The following RICTOR variants were observed in gnomAD, a reference collection of about 807,000 sequenced individuals.
RICTOR encodes RPTOR independent companion of MTOR complex 2, also known as rapamycin-insensitive companion of mTOR.
RICTOR carries 49 observed loss-of-function variants against 214.9 expected under a neutral mutation model. The observed-to-expected ratio is 0.23, with a 90% CI of 0.18 to 0.29. The LOEUF (loss-of-function observed/expected upper bound fraction) is 0.29, where lower values mean the gene tolerates loss of function less well. RICTOR is among the 10% of genes least tolerant of loss of function. RICTOR has a pLI of 1.00. For synonymous variants in RICTOR, 717 were observed against 711.3 expected (o/e 1.01, Z -0.13); for missense variants, 1,625 against 2,047.0 (o/e 0.79, Z 3.98).
At position 39,074,148 on chromosome 5, in the gene RICTOR, G is replaced by A. The variant is rs2150229853; in HGVS notation, c.60C>T (p.Asp20=). 5 of 1,587,154 alleles carry A rather than the reference G, an allele frequency of 3.2e-6. No homozygotes were observed. Among genetic ancestry groups the A allele is most frequent in the African/African-American group, 1.4e-5 (1 of 71,944 alleles). ...LKNLRVRGRN[D]SGEENVPLDL... The stretch of plus-strand genomic sequence containing the variant: ...CCAGCGGGACGTTCTCCTCGCCGCT[G>A]TCATTCCGCCCTGCGCGAAACAGAC... Residue 20 remains aspartate (D), a synonymous_variant, in exon 2 of 38, where the codon GAC becomes GAT. Coordinates refer to ENST00000357387, the MANE Select transcript of RICTOR (RefSeq NM_152756.5).
Position 38,991,051 on chromosome 5 carries a change from A to G in RICTOR, c.481T>C (p.Phe161Leu), listed in dbSNP as rs1025083835. ...RKMITVNASLFPSSVTNSLIA... is the reference protein window; with the variant it reads ...RKMITVNASLLPSSVTNSLIA... ...AATGAGTTGGTCACAGAACTAGGAA[A>G]CAAGGAAGCATTCACAGTAATCATC... The change falls in exon 7 of 38, where the codon TTT becomes CTT. Residue 161 changes from phenylalanine (F) to leucine (L), a missense_variant. By Grantham distance (22) the Phe-to-Leu change is conservative. Transcript: ENST00000357387. 2 of 1,596,766 alleles carry G rather than the reference A, an allele frequency of 1.3e-6. No individual in the cohort carries two copies. The highest frequency in any genetic ancestry group is 1.7e-6 in the Non-Finnish European group (2 of 1,169,526).
In RICTOR at chr5:39,057,193, A is replaced by T. The variant is rs374938806; in HGVS notation, c.97+16918T>A. 3.3e-5 allele frequency among the ~76,000 whole-genome samples: 5 copies of T among 152,318 alleles called. No homozygotes were observed. The East Asian group carries it at 9.6e-4, about 29-fold the overall frequency. On this transcript the variant is annotated intron_variant, in intron 2 of 37. Transcript: ENST00000357387. ...AACCAAACAGCAATTTGAAGGACTA[A>T]TAATATATAGGATAAATTTAAAGGC...
chr5:39,016,216 A>G (rs746223389), intron 3 of RICTOR, among the ~76,000 whole-genome samples: 5 of 152,128 alleles, frequency 3.3e-5, no homozygotes, highest in African/African-American at 9.7e-5. Flanking sequence ...AGGATATGGT[A>G]AAACAAAAAA....
intron 3 of RICTOR, among the ~76,000 whole-genome samples, chr5:39,018,472 T>C (rs1374172027): frequency 1.3e-5 from 2 of 152,192 alleles, no homozygotes; most frequent in Non-Finnish European, 2.9e-5. Context: ...AGCAAGTTCA[T>C]TGGTGCCATT....
rs2150017408 is a variant in RICTOR, at chr5:38,959,868, G to A, written c.1962C>T (p.Thr654=). 6.2e-7 allele frequency: 1 copy of A among 1,611,996 alleles called. No homozygotes were observed. The highest frequency in any genetic ancestry group is 8.5e-7 in the Non-Finnish European group (1 of 1,178,306). ...RSLQNNGLLT[T]LSQHYFLFIG... The stretch of plus-strand genomic sequence containing the variant: ...TAAATAAAAAGTAGTGTTGACTAAG[G>A]GTGGTCAATAAACCATTATTTTGAA... The change falls in exon 21 of 38, where the codon ACC becomes ACT. Residue 654 remains threonine (T), a synonymous_variant. Transcript: ENST00000357387.
At chr5:39,044,993 G>C (rs916236743) in intron 2 of RICTOR, among the ~76,000 whole-genome samples, 2 of 152,054 alleles carry the variant, frequency 1.3e-5, no homozygotes, top group African/African-American at 4.8e-5. Flanking sequence ...AGATTTTCTG[G>C]CACAGATGTT....
chr5:39,047,293 C>A (rs1366545384), intron 2 of RICTOR, among the ~76,000 whole-genome samples: 1 of 152,168 alleles, frequency 6.6e-6, no homozygotes, highest in African/African-American at 2.4e-5. Flanking sequence ...CTCAGATCAT[C>A]AGGCATTAGA....
At chr5:38,996,711 A>G in intron 6 of RICTOR, 108 bp downstream of exon 6, 1 of 618,014 alleles carries the variant, frequency 1.6e-6, no homozygotes, top group African/African-American at 1.9e-5. Context: ...GTTTAATAAA[A>G]GTTTAGTCTT....
chr5:38,962,568 A>T lies in RICTOR; in HGVS notation c.1585T>A (p.Leu529Ile). The T allele has an allele frequency of 6.4e-7, 1 of 1,555,232 alleles. No homozygotes were observed. Among genetic ancestry groups the T allele is most frequent in the Non-Finnish European group, 8.8e-7 (1 of 1,140,122 alleles). ...ACTTGGCTATCTCTAAGGTTAATTA[A>T]AAGAGCTTCCTCTGTATCCTAAAAT... Reference protein sequence around the residue: ...FILKDTEEALLINLRDSQVLQ... With the variant: ...FILKDTEEALIINLRDSQVLQ... The change falls in exon 18 of 38, where the codon TTA becomes ATA. Residue 529 changes from leucine to isoleucine, a missense_variant. Physicochemically the swap from Leu to Ile is conservative, Grantham distance 5. This residue lies in a region of RICTOR where 1,214 missense variants were observed against 1,470.5 expected (regional missense o/e 0.83). Coordinates refer to ENST00000357387, the MANE Select transcript of RICTOR (RefSeq NM_152756.5).
At chr5:39,058,960 T>A (rs1291601235) in intron 2 of RICTOR, among the ~76,000 whole-genome samples, 1 of 152,156 alleles carries the variant, frequency 6.6e-6, no homozygotes, top group Non-Finnish European at 1.5e-5. Flanking sequence ...ACCTGTTCAA[T>A]GAAAAGTTCA....
chr5:39,020,005 T>C (rs1755274259), intron 3 of RICTOR, among the ~76,000 whole-genome samples: 2 of 152,136 alleles, frequency 1.3e-5, no homozygotes, highest in Admixed American at 1.3e-4. Flanking sequence ...AAGGTGTCAG[T>C]GGAGGGAGTC....
intron 7 of RICTOR, among the ~76,000 whole-genome samples, chr5:38,990,637 G>GAT (rs1441411417): frequency 1.0e-5 from 1 of 100,418 alleles, no homozygotes; most frequent in Non-Finnish European, 2.0e-5. Flanking sequence ...ATATATATCT[G>GAT]ACATATATCA....
Position 38,950,419 on chromosome 5 carries a change from A to G in RICTOR, c.3429T>C (p.His1143=). Residue 1143 remains histidine (H), a synonymous_variant, in exon 31 of 38, where the codon CAT becomes CAC. Coordinates refer to ENST00000357387, the MANE Select transcript of RICTOR (RefSeq NM_152756.5). The stretch of plus-strand genomic sequence containing the variant: ...TGGATATGGGTGTAAAATCATCACT[A>G]TGATTAAAATCAACACTGGGCTCCG... ...TLTEPSVDFN[H]SDDFTPISTV... The G allele has an allele frequency of 1.2e-6, 2 of 1,613,542 alleles. No homozygotes were observed. Among genetic ancestry groups the G allele is most frequent in the South Asian group, 1.1e-5 (1 of 91,072 alleles).
rs188199168 is a variant in RICTOR at position 38,999,125 on chromosome 5, G to A, written c.393-2243C>T. Among the ~76,000 whole-genome samples, 51 of 149,844 alleles carry A rather than the reference G, an allele frequency of 3.4e-4. 1 individual carries two copies. Among genetic ancestry groups the A allele is most frequent in the African/African-American group, 7.8e-4 (32 of 40,770 alleles). ...AGAGTCATTTACTAGCAGGATGAAA[G>A]GTTTTTAATAAACAGGTAAGTAGAA... On this transcript the variant is annotated intron_variant, in intron 5 of 37. Coordinates refer to ENST00000357387, the MANE Select transcript of RICTOR (RefSeq NM_152756.5).
chr5:39,004,389 C>G (rs894624015), intron 3 of RICTOR, among the ~76,000 whole-genome samples: 2 of 152,046 alleles, frequency 1.3e-5, no homozygotes, highest in Admixed American at 6.6e-5. Context: ...ATGGCCTCCA[C>G]TATTTCAGTT....
In RICTOR at chr5:38,971,894, G is replaced by T. The variant is rs2150042312; in HGVS notation, c.955C>A (p.Pro319Thr). 7.1e-7 allele frequency: 1 copy of T among 1,412,516 alleles called. No homozygotes were observed. Among genetic ancestry groups the T allele is most frequent in the Non-Finnish European group, 1.0e-6 (1 of 999,902 alleles). The allele number at this position is 1,412,516 out of a possible 1,614,324, so 87.5% of individuals were successfully genotyped here. A position where few individuals can be genotyped will look rare whatever the true frequency, so the allele number is the denominator to read the frequency against. ...IQSLIGVLCI[P>T]NMEIRRGLLE... is the part of the protein sequence containing the mutation. ...TTACCTACCCTTATTTCCATATTTG[G>T]TATGCAAAGTACTCCTATTAGAGAC... The change falls in exon 11 of 38, where the codon CCA (proline) becomes ACA (threonine). Residue 319 changes from proline to threonine, a missense_variant. Coordinates refer to ENST00000357387, the MANE Select transcript of RICTOR (RefSeq NM_152756.5).
At chr5:38,961,476 A>C (rs1406629281) in intron 19 of RICTOR, among the ~76,000 whole-genome samples, 1 of 152,174 alleles carries the variant, frequency 6.6e-6, no homozygotes, top group Non-Finnish European at 1.5e-5. Flanking sequence ...TGATCTTTCA[A>C]CATTATATCT....
chr5:38,975,157 T>C (rs1298827176), intron 10 of RICTOR, among the ~76,000 whole-genome samples: 1 of 152,204 alleles, frequency 6.6e-6, no homozygotes, highest in African/African-American at 2.4e-5. Flanking sequence ...CTATCTTGCT[T>C]ATTTTGTATC....
rs1749705455 is a variant in RICTOR at position 38,960,506 on chromosome 5, G to A, written c.1743C>T (p.Tyr581=). 6 of 1,613,684 alleles carry A rather than the reference G, an allele frequency of 3.7e-6. No homozygotes were observed. Among genetic ancestry groups the A allele is most frequent in the Non-Finnish European group, 5.1e-6 (6 of 1,179,660 alleles). Residue 581 remains tyrosine (Y), a synonymous_variant, in exon 20 of 38, where the codon TAC becomes TAT. Coordinates refer to ENST00000357387, the MANE Select transcript of RICTOR (RefSeq NM_152756.5). ...TGGCATATAATTTACTGCTGGGCTT[G>A]TAAAAATAAAGTAGTCTTCGTACAA... The part of the protein sequence containing the change: ...HRFVRRLLYF[Y]KPSSKLYANL...
Sources: allele counts gnomAD v4.1 joint callset (sites outside exome capture counted in the v4.1 genomes callset), GRCh38; gene constraint gnomAD v4.1.1; regional missense constraint gnomAD v4.1.1; transcripts MANE v1.5; gene names NCBI Gene and HGNC (gene_info 2026-07-23, HGNC 2026-07-21).